Variants in MDN1 observed in about 807,000 individuals in gnomAD.
MDN1 encodes the protein midasin AAA ATPase 1.
A neutral mutation model predicts 669.2 loss-of-function variants in MDN1; 266 were observed. That is an observed-to-expected ratio of 0.40 (90% confidence interval 0.36 to 0.44). The LOEUF is 0.44. Among genes scored for constraint, MDN1 ranks in the 20% least tolerant of loss-of-function variants. The pLI is 1.00. For synonymous variants in MDN1, 2,385 were observed against 2,457.1 expected, an observed-to-expected ratio of 0.97 and a Z score of 0.87; for missense variants, 5,940 against 6,754.0, an observed-to-expected ratio of 0.88 and a Z score of 4.22.
Position 89,671,057 on chromosome 6 carries a change from C to G in MDN1, c.13818G>C (p.Leu4606Phe). 2 of 1,613,960 alleles carry G rather than the reference C, an allele frequency of 1.2e-6. No individual in the cohort carries two copies. Among genetic ancestry groups the G allele is most frequent in the Non-Finnish European group, 1.7e-6 (2 of 1,179,972 alleles). ...KHLFFSQSCS[L>F]LVRLVPVLSS... ...AGAGGACCGGCACCAGGCGCACCAG[C>G]AAGGAACAGGATTGGCTGAAGAACT... The change falls in exon 83 of 102, where the codon TTG becomes TTC. Residue 4606 changes from leucine to phenylalanine, a missense_variant. Leu to Phe is a conservative substitution (Grantham distance 22). Coordinates refer to ENST00000369393, the MANE Select transcript of MDN1 (RefSeq NM_014611.3).
At position 89,718,633 on chromosome 6, in the gene MDN1, AT is replaced by A. The variant is rs770257731; in HGVS notation, c.6322-7del. 100 of 1,613,014 alleles carry A rather than the reference AT, an allele frequency of 6.2e-5. No individual in the cohort carries two copies. The highest frequency in any genetic ancestry group is 6.8e-5 in the Non-Finnish European group (80 of 1,179,216). ...CAAGGTCGTATAAGATCAACCTGTA[AT>A]TTCCAGAGGACATGAACTCATCATA... is the stretch of plus-strand genomic sequence containing the variant. On this transcript the variant is annotated splice_region_variant and splice_polypyrimidine_tract_variant and intron_variant, in intron 42 of 101. Transcript: ENST00000369393.
Position 89,725,243 on chromosome 6 carries a change from C to T in MDN1, c.5626G>A (p.Gly1876Arg). Residue 1876 changes from glycine (G) to arginine (R), a missense_variant, in exon 38 of 102, where the codon GGG (glycine) becomes AGG (arginine). Around this residue, in one of 5 missense-constraint regions of MDN1, gnomAD observed 2,292 missense variants for 2,638.3 expected, o/e 0.87. Transcript: ENST00000369393. Reference protein sequence around the residue: ...GCQNPFRQGGGRKGLPRSFLN... With the variant: ...GCQNPFRQGGRRKGLPRSFLN... ...AAAGACCTGGGCAAGCCTTTCCTCC[C>T]ACCTCCTTGTCTAAAGGGATTCTGA... 1 of 1,614,036 alleles carries T rather than the reference C, an allele frequency of 6.2e-7. No homozygotes were observed. The highest frequency in any genetic ancestry group is 8.5e-7 in the Non-Finnish European group (1 of 1,179,974).
rs1294949558 is a variant in MDN1 at position 89,675,551 on chromosome 6, C to T, written c.12674G>A (p.Cys4225Tyr). ...KEMGMGNVERCRGFSAHLMKM... is the reference protein window; with the variant it reads ...KEMGMGNVERYRGFSAHLMKM... ...CATCAAATGTGCTGAGAACCCTCTG[C>T]ACCTCTCCACGTTGCCCATGCCCAT... The change falls in exon 78 of 102, where the codon TGC becomes TAC. Residue 4225 changes from cysteine (C) to tyrosine (Y), a missense_variant. Physicochemically the swap from Cys to Tyr is radical, Grantham distance 194. Around this residue, in one of 5 missense-constraint regions of MDN1, gnomAD observed 2,280 missense variants for 2,576.3 expected, o/e 0.88. Transcript: ENST00000369393. The T allele has an allele frequency of 1.2e-6, 2 of 1,614,002 alleles. No individual in the cohort carries two copies. The highest frequency in any genetic ancestry group is 8.5e-7 in the Non-Finnish European group (1 of 1,180,022).
At chr6:89,721,406 G>C (rs968946463) in intron 40 of MDN1, among the ~76,000 whole-genome samples, 6 of 152,162 alleles carry the variant, frequency 3.9e-5, no homozygotes, top group Non-Finnish European at 8.8e-5. Context: ...TCCTGGTAAC[G>C]TTTTTATCCG....
At chr6:89,770,145 C>G (rs1316648650) in intron 15 of MDN1, among the ~76,000 whole-genome samples, 1 of 151,946 alleles carries the variant, frequency 6.6e-6, no homozygotes, top group Non-Finnish European at 1.5e-5. Flanking sequence ...GTGGCTCACA[C>G]CTGTAATCCC....
intron 1 of MDN1, among the ~76,000 whole-genome samples, chr6:89,816,580 T>TA (rs1562249432): frequency 6.6e-6 from 1 of 151,640 alleles, no homozygotes; most frequent in African/African-American, 2.4e-5. Context: ...ATAAAAATTT[T>TA]AAAAAAAGAA....
Position 89,713,250 on chromosome 6 carries a change from T to G in MDN1, c.7116A>C (p.Leu2372=). The G allele has an allele frequency of 3.1e-6, 5 of 1,613,960 alleles. No homozygotes were observed. Among genetic ancestry groups the G allele is most frequent in the Non-Finnish European group, 4.2e-6 (5 of 1,179,888 alleles). ...GCCCTCGCTGCAGGTACTGGACAATTAGTATGGCTGTCTGGATTAGAGTTG... is the reference window on the plus strand; with the variant it reads ...GCCCTCGCTGCAGGTACTGGACAATGAGTATGGCTGTCTGGATTAGAGTTG... The part of the protein sequence containing the change: ...SVSTLIQTAI[L]IVQYLQRGLS... Residue 2372 remains leucine (L), a synonymous_variant, in exon 47 of 102, where the codon CTA becomes CTC. Transcript: ENST00000369393.
At chr6:89,680,500 A>T in intron 74 of MDN1, 89 bp downstream of exon 74, 1 of 1,489,322 alleles carries the variant, frequency 6.7e-7, no homozygotes, top group Non-Finnish European at 9.0e-7. Context: ...CAAGGTATCA[A>T]AAAAGGACAC....
intron 5 of MDN1, among the ~76,000 whole-genome samples, chr6:89,791,582 T>C (rs1362751894): frequency 6.6e-6 from 1 of 152,172 alleles, no homozygotes; most frequent in East Asian, 1.9e-4. Context: ...CTTTCTACTT[T>C]GGAATATGTG....
rs774436466 is a variant in MDN1 at position 89,749,503 on chromosome 6, T to C, written c.3615+40A>G. 77 of 1,605,492 alleles carry C rather than the reference T, an allele frequency of 4.8e-5. 2 individuals are homozygous for C. The highest frequency in any genetic ancestry group is 6.5e-5 in the Non-Finnish European group (76 of 1,172,704). On this transcript the variant is annotated intron_variant, in intron 25 of 101. Transcript: ENST00000369393. ...TTACTACGAAAAATCTACTATCTGA[T>C]GTGTTAACAAATTGAAGGAAGGAGA...
intron 1 of MDN1, among the ~76,000 whole-genome samples, chr6:89,804,679 T>C (rs1767894681): frequency 1.3e-5 from 2 of 151,890 alleles, no homozygotes; most frequent in South Asian, 4.1e-4. Context: ...CTCTAATAAA[T>C]AAACAAAAAA....
At chr6:89,819,413 T>C in intron 1 of MDN1, 93 bp downstream of exon 1, 2 of 1,243,452 alleles carry the variant, frequency 1.6e-6, no homozygotes, top group Non-Finnish European at 2.3e-6. Context: ...CACTCCCCAC[T>C]TAAAGCGGCG....
At chr6:89,740,690 T>G (rs1816246989) in intron 31 of MDN1, among the ~76,000 whole-genome samples, 1 of 152,136 alleles carries the variant, frequency 6.6e-6, no homozygotes, top group African/African-American at 2.4e-5. Context: ...TAGAAAGAAC[T>G]CAAATATCAT....
At chr6:89,673,148 A>T in intron 80 of MDN1, 88 bp downstream of exon 80, 1 of 1,190,170 alleles carries the variant, frequency 8.4e-7, no homozygotes, top group Non-Finnish European at 1.2e-6. Flanking sequence ...ACCAAAATAT[A>T]ATGTGTCTTT....
At chr6:89,807,629 GA>G (rs1471042939) in intron 1 of MDN1, among the ~76,000 whole-genome samples, 1 of 152,066 alleles carries the variant, frequency 6.6e-6, no homozygotes. Context: ...ACCAACTTTA[GA>G]AATTTTGAGA....
intron 32 of MDN1, among the ~76,000 whole-genome samples, chr6:89,739,975 A>C (rs1448889418): frequency 1.3e-5 from 2 of 152,230 alleles, no homozygotes; most frequent in Non-Finnish European, 2.9e-5. Flanking sequence ...AGGGTAACAT[A>C]TGTAAAGGGC....
At position 89,646,465 on chromosome 6, in the gene MDN1, A is replaced by AG. The variant is rs879098244; in HGVS notation, c.16459+74dup. On this transcript the variant is annotated intron_variant, in intron 100 of 101. Coordinates refer to ENST00000369393, the MANE Select transcript of MDN1 (RefSeq NM_014611.3). Reference sequence around the variant, plus strand: ...TTAAAACACAGTGACGGGGACACTGAGCTGAAGCAAGCAGCTTGGGAATAT... The same window carrying AG: ...TTAAAACACAGTGACGGGGACACTGAGGCTGAAGCAAGCAGCTTGGGAATAT... 9.5e-6 allele frequency: 12 copies of AG among 1,264,020 alleles called. No individual in the cohort carries two copies. In the South Asian group the frequency reaches 1.5e-4, roughly 16 times the overall value. The allele number at this position is 1,264,020 out of a possible 1,614,324, so 78.3% of individuals were successfully genotyped here. A position where few individuals can be genotyped will look rare whatever the true frequency, so the allele number is the denominator to read the frequency against.
chr6:89,651,379 T>C (rs993286133), intron 95 of MDN1, among the ~76,000 whole-genome samples: 5 of 149,948 alleles, frequency 3.3e-5, no homozygotes, highest in Non-Finnish European at 7.4e-5. Context: ...ATCAGCACTT[T>C]GGGAGGCCAA....
chr6:89,645,168 T>C lies in MDN1; in HGVS notation c.16460-11A>G. The C allele has an allele frequency of 6.3e-7, 1 of 1,579,848 alleles. No individual in the cohort carries two copies. The highest frequency in any genetic ancestry group is 1.1e-5 in the South Asian group (1 of 89,614). On this transcript the variant is annotated splice_polypyrimidine_tract_variant and intron_variant, in intron 100 of 101. Transcript: ENST00000369393. ...GGAGTTGTGCAGTTTCTGTAGACCA[T>C]ATAAGACGAAGCAAGGGAATAAAAT...
Sources: allele counts gnomAD v4.1 joint callset (sites outside exome capture counted in the v4.1 genomes callset), GRCh38; gene constraint gnomAD v4.1.1; regional missense constraint gnomAD v4.1.1; transcripts MANE v1.5; gene names NCBI Gene and HGNC (gene_info 2026-07-23, HGNC 2026-07-21).